Variants in RELN observed in about 807,000 individuals in gnomAD.
RELN encodes the protein reelin.
Under a neutral mutation model 427.6 loss-of-function variants are expected in RELN, and 108 were observed. That is an observed-to-expected ratio of 0.25 (90% CI 0.22 to 0.30). The LOEUF is 0.30. RELN is among the 10% of genes least tolerant of loss of function. RELN has a pLI of 1.00. For missense variants in RELN, 3,715 were observed against 4,302.8 expected, an observed-to-expected ratio of 0.86 and a Z score of 3.82; for synonymous variants, 1,524 against 1,513.4, an observed-to-expected ratio of 1.01 and a Z score of -0.16.
At chr7:103,842,660 T>A (rs1793580520) in intron 2 of RELN, among the ~76,000 whole-genome samples, 1 of 152,230 alleles carries the variant, frequency 6.6e-6, no homozygotes, top group Non-Finnish European at 1.5e-5. Context: ...ATATTTACTT[T>A]TCAAAGCACT....
intron 2 of RELN, among the ~76,000 whole-genome samples, chr7:103,899,930 A>G (rs963618603): frequency 1.3e-5 from 2 of 152,132 alleles, no homozygotes; most frequent in South Asian, 2.1e-4. Context: ...TCAACACAGT[A>G]TTGGAAGTTC....
chr7:103,671,352 T>G (rs1833388914), intron 11 of RELN, among the ~76,000 whole-genome samples: 1 of 152,088 alleles, frequency 6.6e-6, no homozygotes, highest in Admixed American at 6.6e-5. Context: ...TGTTTTAGGT[T>G]TTTATGACAT....
At chr7:103,720,173 TTGTGTG>T (rs72036005) in intron 8 of RELN, among the ~76,000 whole-genome samples, 16,417 of 145,606 alleles carry the variant, frequency 0.11, 964 homozygotes, top group Middle Eastern at 0.28. Context: ...TGTATAAACA[TTGTGTG>T]TGTGTGTGTG....
chr7:103,740,193 T>C (rs985602082), intron 6 of RELN, among the ~76,000 whole-genome samples: 8 of 152,024 alleles, frequency 5.3e-5, no homozygotes, highest in African/African-American at 7.3e-5. Context: ...TCCACCAACA[T>C]GGTAGGAGGA....
At chr7:103,973,450 T>C (rs1796805549) in intron 1 of RELN, among the ~76,000 whole-genome samples, 1 of 151,806 alleles carries the variant, frequency 6.6e-6, no homozygotes, top group African/African-American at 2.4e-5. Context: ...AAAAGCAATA[T>C]GAGAAAACAA....
At chr7:103,478,078 G>A (rs190193934) in intron 64 of RELN, among the ~76,000 whole-genome samples, 9 of 152,150 alleles carry the variant, frequency 5.9e-5, no homozygotes, top group Admixed American at 5.2e-4. Flanking sequence ...CACCCAATAC[G>A]GTGTCAAGCA....
chr7:103,785,227 A>T (rs978270062), intron 3 of RELN, among the ~76,000 whole-genome samples: 5 of 152,164 alleles, frequency 3.3e-5, no homozygotes, highest in Non-Finnish European at 7.4e-5. Context: ...TTTTAAAATC[A>T]TTAAAATTAT....
intron 2 of RELN, among the ~76,000 whole-genome samples, chr7:103,862,452 T>TATCTATCTATCG (rs1210339299): frequency 6.7e-6 from 1 of 150,112 alleles, no homozygotes; most frequent in East Asian, 1.9e-4. Flanking sequence ...TCTATCTATC[T>TATCTATCTATCG]ATCTATCTAT....
At chr7:103,972,425 C>T (rs1468596531) in intron 1 of RELN, among the ~76,000 whole-genome samples, 2 of 152,332 alleles carry the variant, frequency 1.3e-5, no homozygotes, top group Non-Finnish European at 1.5e-5. Flanking sequence ...GAGGATTTCA[C>T]TGGATCTCAT....
intron 13 of RELN, among the ~76,000 whole-genome samples, chr7:103,653,573 G>A (rs550812427): frequency 2.0e-5 from 3 of 152,112 alleles, no homozygotes; most frequent in African/African-American, 4.8e-5. Context: ...ACTTTATGAC[G>A]AGTATCTCAC....
At chr7:103,631,676 A>T (rs1204134090) in intron 19 of RELN, among the ~76,000 whole-genome samples, 1 of 152,210 alleles carries the variant, frequency 6.6e-6, no homozygotes, top group African/African-American at 2.4e-5. Context: ...AAAATTTTTC[A>T]TCAGTGTAAA....
At chr7:103,854,918 T>C (rs1256249354) in intron 2 of RELN, among the ~76,000 whole-genome samples, 1 of 152,160 alleles carries the variant, frequency 6.6e-6, no homozygotes, top group East Asian at 1.9e-4. Context: ...CAAAGAACAC[T>C]ATTGTAAGTT....
rs756850516 is a variant in RELN at position 103,596,491 on chromosome 7, T to C, written c.3504A>G (p.Leu1168=). 12 of 1,613,904 alleles carry C rather than the reference T, an allele frequency of 7.4e-6. No individual in the cohort carries two copies. The African/African-American group carries it at 1.3e-4, about 18-fold the overall frequency. Residue 1168 remains leucine, a synonymous_variant, in exon 25 of 65, where the codon CTA becomes CTG. Coordinates refer to ENST00000428762, the MANE Select transcript of RELN (RefSeq NM_005045.4). ...SNNGGIQWHL[L]AEMYFSDFSK... ...TGAAGTCTGAAAAGTACATCTCTGCTAGCAGGTGCCACTGGATGCCCCCAT... is the reference window on the plus strand; with the variant it reads ...TGAAGTCTGAAAAGTACATCTCTGCCAGCAGGTGCCACTGGATGCCCCCAT...
intron 43 of RELN, among the ~76,000 whole-genome samples, chr7:103,541,022 G>T (rs1483671718): frequency 6.6e-6 from 1 of 152,212 alleles, no homozygotes; most frequent in East Asian, 1.9e-4. Context: ...TTTGGAAGAG[G>T]TATGTCAAGC....
At chr7:103,666,337 G>T (rs1343632789) in intron 11 of RELN, among the ~76,000 whole-genome samples, 1 of 152,122 alleles carries the variant, frequency 6.6e-6, no homozygotes, top group Non-Finnish European at 1.5e-5. Context: ...CTCTTAAAGT[G>T]CTGGGATTAC....
At position 103,500,921 on chromosome 7, in the gene RELN, G is replaced by A. The variant is rs1829005390; in HGVS notation, c.8491C>T (p.Pro2831Ser). 1 of 1,613,858 alleles carries A rather than the reference G, an allele frequency of 6.2e-7. No homozygotes were observed. Among genetic ancestry groups the A allele is most frequent in the Non-Finnish European group, 8.5e-7 (1 of 1,179,898 alleles). Residue 2831 changes from proline to serine, a missense_variant and splice_region_variant, in exon 53 of 65, where the codon CCG becomes TCG. By Grantham distance (74) the Pro-to-Ser change is moderately conservative. Around this residue, in one of 4 missense-constraint regions of RELN, gnomAD observed 1,310 missense variants for 1,643.0 expected, o/e 0.80. Transcript: ENST00000428762. ...TTCTGATAGAACCTAAACCTTACCG[G>A]ACTATTGACAATGCAAAAGCAAAGG... ...YPLPESLVGN[P>S]VRFRFYQKYS... is the part of the protein sequence containing the mutation.
intron 3 of RELN, among the ~76,000 whole-genome samples, chr7:103,782,908 T>C (rs1175302724): frequency 6.6e-6 from 1 of 152,094 alleles, no homozygotes; most frequent in Non-Finnish European, 1.5e-5. Flanking sequence ...GTTAATGAGG[T>C]CTGGTATATT....
rs1390304878 is a variant in RELN, at chr7:103,979,790, C to T, written c.226+9341G>A. ...AATATCTTTAAAATGTCCCTCCCCACCTACATTTTTCAATTCTCTTATATT... is the reference window on the plus strand; with the variant it reads ...AATATCTTTAAAATGTCCCTCCCCATCTACATTTTTCAATTCTCTTATATT... On this transcript the variant is annotated intron_variant, in intron 1 of 64. Coordinates refer to ENST00000428762, the MANE Select transcript of RELN (RefSeq NM_005045.4). Among the ~76,000 whole-genome samples the T allele has an allele frequency of 2.6e-5, 4 of 152,330 alleles. No individual in the cohort carries two copies. The East Asian group carries it at 5.8e-4, about 22-fold the overall frequency.
chr7:103,818,318 G>T (rs1170435350), intron 3 of RELN, among the ~76,000 whole-genome samples: 1 of 152,126 alleles, frequency 6.6e-6, no homozygotes, highest in African/African-American at 2.4e-5. Context: ...GGCATTTATT[G>T]AAATCCAACA....
Sources: gnomAD v4.1 joint callset for allele counts (sites outside exome capture counted in the v4.1 genomes callset) on GRCh38, gnomAD v4.1.1 for gene constraint, gnomAD v4.1.1 regional missense constraint, MANE v1.5 for transcripts, NCBI Gene and HGNC (gene_info 2026-07-23, HGNC 2026-07-21) for gene names.